The following MUC17 variants were observed in gnomAD, a reference collection of about 807,000 sequenced individuals.
MUC17 encodes mucin 17, cell surface associated, also known as mucin-17.
In MUC17, 190 loss-of-function variants were observed where a neutral mutation model predicts 170.3. The ratio of observed to expected loss-of-function variants is 1.12; its 90% CI spans 0.99 to 1.26. MUC17 has a LOEUF of 1.26. Among genes scored for constraint, MUC17 ranks in the 50% most tolerant of loss-of-function variants. MUC17 has a pLI of 0.00. For synonymous variants in MUC17, 2,325 were observed against 2,002.5 expected, an observed-to-expected ratio of 1.16 and a Z score of -4.30; for missense variants, 6,415 against 5,530.0, an observed-to-expected ratio of 1.16 and a Z score of -5.08.
At position 101,036,118 on chromosome 7, in the gene MUC17, T is replaced by G; in HGVS notation, c.4702T>G (p.Tyr1568Asp). The stretch of plus-strand genomic sequence containing the variant: ...CGGTACCAGCATGCAAACCTCAACT[T>G]ATAGTGAAGGAAGCACTCCACTAAC... ...ADGTSMQTSTYSEGSTPLTSL... is the reference protein window; with the variant it reads ...ADGTSMQTSTDSEGSTPLTSL... The change falls in exon 3 of 13, where the codon TAT becomes GAT. Residue 1568 changes from tyrosine (Y) to aspartate (D), a missense_variant. Physicochemically the swap from Tyr to Asp is radical, Grantham distance 160 (BLOSUM62 -3). Transcript: ENST00000306151. The G allele has an allele frequency of 6.2e-7, 1 of 1,605,114 alleles. No individual in the cohort carries two copies. Among genetic ancestry groups the G allele is most frequent in the Non-Finnish European group, 8.5e-7 (1 of 1,177,102 alleles).
chr7:101,049,060 CTTG>C, intron 5 of MUC17, 88 bp downstream of exon 5: 1 of 1,583,226 alleles, frequency 6.3e-7, no homozygotes, highest in Non-Finnish European at 8.6e-7. Context: ...GGGCTGTTCC[CTTG>C]TTAGATGTGC....
intron 1 of MUC17, among the ~76,000 whole-genome samples, chr7:101,026,592 G>A (rs1163616575): frequency 6.6e-6 from 1 of 152,180 alleles, no homozygotes; most frequent in Admixed American, 6.5e-5. Context: ...AAGATTTCTT[G>A]TGGTTTTTAA....
intron 3 of MUC17, among the ~76,000 whole-genome samples, chr7:101,047,688 G>T (rs544183695): frequency 7.9e-5 from 12 of 152,210 alleles, no homozygotes; most frequent in Admixed American, 7.2e-4. Context: ...AAACTTAGCT[G>T]GGTGTGGTGG....
In MUC17 at chr7:101,053,040, C is replaced by T. The variant is rs764285068; in HGVS notation, c.13158C>T (p.Thr4386=). The change falls in exon 10 of 13, where the codon ACC becomes ACT. Residue 4386 remains threonine (T), a synonymous_variant. Coordinates refer to ENST00000306151, the MANE Select transcript of MUC17 (RefSeq NM_001040105.2). Reference sequence around the variant, plus strand: ...GTGGGGAGACCTGTAACCAGGGCACCCAGAAGAGTCTGGTGTACGGCCTCG... The same window carrying T: ...GTGGGGAGACCTGTAACCAGGGCACTCAGAAGAGTCTGGTGTACGGCCTCG... The part of the protein sequence containing the change: ...WYSGETCNQG[T]QKSLVYGLVG... 2.2e-5 allele frequency: 36 copies of T among 1,613,972 alleles called. 1 individual carries two copies. In the Admixed American group the frequency reaches 5.5e-4, roughly 25 times the overall value.
At chr7:101,045,106 A>G (rs759514983) in intron 3 of MUC17, among the ~76,000 whole-genome samples, 2 of 152,218 alleles carry the variant, frequency 1.3e-5, no homozygotes, top group Non-Finnish European at 2.9e-5. Flanking sequence ...TATATGAATC[A>G]TGTAATATAC....
At chr7:101,046,677 C>T (rs775483883) in intron 3 of MUC17, among the ~76,000 whole-genome samples, 6 of 151,992 alleles carry the variant, frequency 3.9e-5, no homozygotes, top group Non-Finnish European at 8.8e-5. Context: ...ACTTGGGAGG[C>T]TAGGGTGGGA....
rs541624992 is a variant in MUC17, at chr7:101,040,728, C to A, written c.9312C>A (p.Ser3104Arg). 39 of 1,611,422 alleles carry A rather than the reference C, an allele frequency of 2.4e-5. No individual in the cohort carries two copies. In the African/African-American group the frequency reaches 3.8e-4, roughly 16 times the overall value. ...CAATCTCAACTTATAGTGAAGGAAG[C>A]ACTCCATTAACAGGTGTGCCTGTCA... ...SMPISTYSEG[S>R]TPLTGVPVST... Residue 3104 changes from serine (S) to arginine (R), a missense_variant, in exon 3 of 13, where the codon AGC becomes AGA. Physicochemically the swap from Ser to Arg is moderately radical, Grantham distance 110. Transcript: ENST00000306151.
chr7:101,057,506 G>T (rs1311936343), intron 12 of MUC17, among the ~76,000 whole-genome samples: 1 of 152,208 alleles, frequency 6.6e-6, no homozygotes, highest in Non-Finnish European at 1.5e-5. Context: ...ACTTCGTGAG[G>T]CCAAGGCAGG....
In MUC17 at chr7:101,043,521, C is replaced by T. The variant is rs1794774562; in HGVS notation, c.12105C>T (p.His4035=). The T allele has an allele frequency of 1.9e-6, 3 of 1,614,104 alleles. No homozygotes were observed. The highest frequency in any genetic ancestry group is 1.7e-5 in the Admixed American group (1 of 60,010). ...CGCTTTCTGCAACCAGTACACCTCA[C>T]ACCTCTACTTCTGTCACCACCCGTC... The part of the protein sequence containing the change: ...ASTLSATSTP[H]TSTSVTTRPV... The change falls in exon 3 of 13, where the codon CAC becomes CAT. Residue 4035 remains histidine, a synonymous_variant. Coordinates refer to ENST00000306151, the MANE Select transcript of MUC17 (RefSeq NM_001040105.2).
chr7:101,039,341 C>T lies in MUC17; in HGVS notation c.7925C>T (p.Thr2642Ile). The change falls in exon 3 of 13, where the codon ACC becomes ATC. Residue 2642 changes from threonine to isoleucine, a missense_variant. Transcript: ENST00000306151. Reference protein sequence around the residue: ...STSLTSILVSTMPVASSEAST... With the variant: ...STSLTSILVSIMPVASSEAST... Reference sequence around the variant, plus strand: ...TCATTAACAAGTATACTTGTCAGCACCATGCCAGTGGCCAGTTCTGAGGCT... The same window carrying T: ...TCATTAACAAGTATACTTGTCAGCATCATGCCAGTGGCCAGTTCTGAGGCT... The T allele has an allele frequency of 6.2e-7, 1 of 1,613,176 alleles. No homozygotes were observed. Among genetic ancestry groups the T allele is most frequent in the Non-Finnish European group, 8.5e-7 (1 of 1,179,492 alleles).
At position 101,034,103 on chromosome 7, in the gene MUC17, T is replaced by C. The variant is rs773770894; in HGVS notation, c.2687T>C (p.Val896Ala). Residue 896 changes from valine to alanine, a missense_variant, in exon 3 of 13, where the codon GTG becomes GCG. Physicochemically the swap from Val to Ala is moderately conservative, Grantham distance 64. Coordinates refer to ENST00000306151, the MANE Select transcript of MUC17 (RefSeq NM_001040105.2). ...STTPVDTSTP[V>A]TNSTEARSSP... ...ACTCCTGTTGACACCAGCACACCTG[T>C]GACCAATTCTACTGAAGCCCGTTCG... 1 of 1,585,212 alleles carries C rather than the reference T, an allele frequency of 6.3e-7. No homozygotes were observed. Among genetic ancestry groups the C allele is most frequent in the South Asian group, 1.1e-5 (1 of 87,198 alleles).
chr7:101,030,879 C>T (rs1794266418), intron 1 of MUC17, among the ~76,000 whole-genome samples: 1 of 152,244 alleles, frequency 6.6e-6, no homozygotes, highest in African/African-American at 2.4e-5. Context: ...GAACTACGGG[C>T]ACATGCCACC....
At chr7:101,056,135 A>G in intron 11 of MUC17, 59 bp from the exon 12 acceptor site, 2 of 1,609,946 alleles carry the variant, frequency 1.2e-6, no homozygotes, top group Non-Finnish European at 1.7e-6. Flanking sequence ...TTAAAGGGAG[A>G]GATGAAAGTT....
Position 101,032,849 on chromosome 7 carries a change from A to G in MUC17, c.1433A>G (p.Asp478Gly), listed in dbSNP as rs1226146948. ...AGCAACCTTTCAACAACTCCTGTTGACTCCAAAACTCAGGTGACCACTTCT... is the reference window on the plus strand; with the variant it reads ...AGCAACCTTTCAACAACTCCTGTTGGCTCCAAAACTCAGGTGACCACTTCT... ...EASNLSTTPVDSKTQVTTSTE... is the reference protein window; with the variant it reads ...EASNLSTTPVGSKTQVTTSTE... Residue 478 changes from aspartate to glycine, a missense_variant, in exon 3 of 13, where the codon GAC (aspartate) becomes GGC (glycine). Transcript: ENST00000306151. The G allele has an allele frequency of 6.2e-7, 1 of 1,612,808 alleles. No homozygotes were observed. The highest frequency in any genetic ancestry group is 1.3e-5 in the African/African-American group (1 of 74,422).
chr7:101,053,937 G>A (rs1360533196), intron 11 of MUC17, among the ~76,000 whole-genome samples: 1 of 151,176 alleles, frequency 6.6e-6, no homozygotes, highest in Non-Finnish European at 1.5e-5. Flanking sequence ...GCATGCACCT[G>A]AAGTCCCAAC....
chr7:101,032,585 A>G lies in MUC17; in HGVS notation c.1169A>G (p.Glu390Gly). ...ATSMLTSTLS[E>G]GSTPLTNMPV... ...AGCATGCTAACCTCAACTCTTAGTG[A>G]AGGAAGCACTCCATTAACAAATATG... Residue 390 changes from glutamate (E) to glycine (G), a missense_variant, in exon 3 of 13, where the codon GAA (glutamate) becomes GGA (glycine). Coordinates refer to ENST00000306151, the MANE Select transcript of MUC17 (RefSeq NM_001040105.2). 1 of 1,613,402 alleles carries G rather than the reference A, an allele frequency of 6.2e-7. No individual in the cohort carries two copies. Among genetic ancestry groups the G allele is most frequent in the Non-Finnish European group, 8.5e-7 (1 of 1,179,842 alleles).
At chr7:101,022,762 G>T (rs1275355099) in intron 1 of MUC17, among the ~76,000 whole-genome samples, 1 of 152,066 alleles carries the variant, frequency 6.6e-6, no homozygotes, top group Non-Finnish European at 1.5e-5. Flanking sequence ...GCTGCAGTGA[G>T]CTGTGATTGC....
At position 101,043,697 on chromosome 7, in the gene MUC17, C is replaced by T. The variant is rs1794779684; in HGVS notation, c.12281C>T (p.Thr4094Ile). ...CCTGAGGCTGTCACCACCATGACCACCAGGACAAAACCCAGCACACGGACC... is the reference window on the plus strand; with the variant it reads ...CCTGAGGCTGTCACCACCATGACCATCAGGACAAAACCCAGCACACGGACC... ...VNPEAVTTMTTRTKPSTRTTS... is the reference protein window; with the variant it reads ...VNPEAVTTMTIRTKPSTRTTS... The change falls in exon 3 of 13, where the codon ACC becomes ATC. Residue 4094 changes from threonine (T) to isoleucine (I), a missense_variant. By Grantham distance (89) the Thr-to-Ile change is moderately conservative (BLOSUM62 -1). Coordinates refer to ENST00000306151, the MANE Select transcript of MUC17 (RefSeq NM_001040105.2). 1.9e-6 allele frequency: 3 copies of T among 1,614,170 alleles called. No homozygotes were observed. The East Asian group carries it at 6.7e-5, about 36-fold the overall frequency.
At position 101,039,679 on chromosome 7, in the gene MUC17, A is replaced by T; in HGVS notation, c.8263A>T (p.Ser2755Cys). Residue 2755 changes from serine (S) to cysteine (C), a missense_variant, in exon 3 of 13, where the codon AGT becomes TGT. Physicochemically the swap from Ser to Cys is moderately radical, Grantham distance 112. Transcript: ENST00000306151. ...TAGTGATGGAAGTACTCCATTAACA[A>T]GTATACTTGTCAGCACCCTGCCAGT... ...TPSDGSTPLTSILVSTLPVAS... is the reference protein window; with the variant it reads ...TPSDGSTPLTCILVSTLPVAS... The T allele has an allele frequency of 6.2e-7, 1 of 1,613,140 alleles. No homozygotes were observed. The highest frequency in any genetic ancestry group is 2.2e-5 in the East Asian group (1 of 44,830).
Sources: gnomAD v4.1 joint callset for allele counts (sites outside exome capture counted in the v4.1 genomes callset) on GRCh38, gnomAD v4.1.1 for gene constraint, MANE v1.5 for transcripts, NCBI Gene and HGNC (gene_info 2026-07-23, HGNC 2026-07-21) for gene names.